PLCD1: variants seen among roughly 807,000 people sequenced by gnomAD.
PLCD1 encodes phospholipase C delta 1, also known as 1-phosphatidylinositol 4,5-bisphosphate phosphodiesterase delta-1.
In PLCD1, 71 loss-of-function variants were observed where a neutral mutation model predicts 87.4. That is an observed-to-expected ratio of 0.81 (90% CI 0.67 to 0.99). PLCD1 has a LOEUF of 0.99. Ranked by LOEUF, PLCD1 falls within the 50% of genes least tolerant of loss-of-function variation. The pLI is 0.00. For synonymous variants in PLCD1, 348 were observed against 399.2 expected (o/e 0.87, Z 1.53); for missense variants, 867 against 1,001.5 (o/e 0.87, Z 1.81).
At chr3:38,027,772 C>T (rs1335392167) in intron 1 of PLCD1, among the ~76,000 whole-genome samples, 1 of 152,272 alleles carries the variant, frequency 6.6e-6, no homozygotes, top group African/African-American at 2.4e-5. Context: ...GCACAGTGAT[C>T]ACCCCCTCCC....
intron 2 of PLCD1, among the ~76,000 whole-genome samples, chr3:38,019,497 C>T (rs1200218305): frequency 2.6e-5 from 4 of 152,130 alleles, no homozygotes; most frequent in Admixed American, 2.0e-4. Context: ...TAGAGGGAGA[C>T]ATCTCACTTT....
chr3:38,011,388 T>C lies in PLCD1; in HGVS notation c.616A>G (p.Lys206Glu). 4.3e-6 allele frequency: 7 copies of C among 1,613,740 alleles called. No homozygotes were observed. Among genetic ancestry groups the C allele is most frequent in the Non-Finnish European group, 5.9e-6 (7 of 1,180,030 alleles). ...ATCTCCACCCGCTGGGTCAGCATCT[T>C]GTAGAAGGCCTCAATCTCCTCGTCC... ...LEDEEIEAFY[K>E]MLTQRVEIDR... The change falls in exon 5 of 15, where the codon AAG becomes GAG. Residue 206 changes from lysine (K) to glutamate (E), a missense_variant. Transcript: ENST00000334661.
In PLCD1 at chr3:38,025,455, GC is replaced by G. The variant is rs530083442; in HGVS notation, c.34+4050del. ...GGATGGAGCCTGGGCCAGACACCGA[GC>G]CCCCCCCAAGTATTTTACTTCAATT... On this transcript the variant is annotated intron_variant, in intron 1 of 14. Coordinates refer to ENST00000334661, the MANE Select transcript of PLCD1 (RefSeq NM_006225.4). The surrounding 1 kb of genome is among the most constrained non-coding windows in gnomAD (Gnocchi z 4.0). 6.6e-6 allele frequency among the ~76,000 whole-genome samples: 1 copy of G among 151,582 alleles called. No homozygotes were observed. Among genetic ancestry groups the G allele is most frequent in the Non-Finnish European group, 1.5e-5 (1 of 67,782 alleles).
intron 3 of PLCD1, 65 bp downstream of exon 3, chr3:38,016,426 C>A (rs1575352519): frequency 2.7e-6 from 3 of 1,105,542 alleles, no homozygotes; most frequent in Non-Finnish European, 4.1e-6. Flanking sequence ...ACCCAAGTTG[C>A]CCTGGGGATA....
chr3:38,008,498 G>C lies in PLCD1; in HGVS notation c.1862C>G (p.Ala621Gly). 1 of 1,614,216 alleles carries C rather than the reference G, an allele frequency of 6.2e-7. No homozygotes were observed. Among genetic ancestry groups the C allele is most frequent in the Non-Finnish European group, 8.5e-7 (1 of 1,180,024 alleles). The change falls in exon 12 of 15, where the codon GCT (alanine) becomes GGT (glycine). Residue 621 changes from alanine (A) to glycine (G), a missense_variant. Transcript: ENST00000334661. Reference sequence around the variant, plus strand: ...CTTCCGTGCCCACCAGGGCCCCTGAGCCAGGGCGCGGGGGTTAAAGGTGCC... The same window carrying C: ...CTTCCGTGCCCACCAGGGCCCCTGACCCAGGGCGCGGGGGTTAAAGGTGCC... ...PNGTFNPRAL[A>G]QGPWWARKRL... is the part of the protein sequence containing the mutation.
intron 1 of PLCD1, chr3:38,024,624 C>A (rs1448012521): frequency 1.3e-6 from 2 of 1,516,820 alleles, no homozygotes; most frequent in South Asian, 1.2e-5. Flanking sequence ...TTCGGAGGGG[C>A]GGGACGAGAG....
intron 1 of PLCD1, among the ~76,000 whole-genome samples, chr3:38,028,849 T>C (rs1700333523): frequency 6.6e-6 from 1 of 152,218 alleles, no homozygotes; most frequent in Non-Finnish European, 1.5e-5. Flanking sequence ...GAAACAAAGC[T>C]CCGCTGGACA....
intron 1 of PLCD1, chr3:38,024,470 T>C (rs775926802): frequency 1.3e-6 from 2 of 1,590,812 alleles, no homozygotes; most frequent in Non-Finnish European, 1.7e-6. Context: ...CGGAGCCGGG[T>C]CCGGGGCAGT....
chr3:38,013,160 G>A (rs1461980872), intron 3 of PLCD1, among the ~76,000 whole-genome samples: 1 of 151,190 alleles, frequency 6.6e-6, no homozygotes, highest in African/African-American at 2.4e-5. Context: ...AAAGTGCTAG[G>A]ACTAGAGGTG....
chr3:38,022,083 G>A (rs1700241673), intron 1 of PLCD1, among the ~76,000 whole-genome samples: 1 of 152,194 alleles, frequency 6.6e-6, no homozygotes, highest in South Asian at 2.1e-4. Flanking sequence ...TCCCCCATCA[G>A]CACTGGGCTA....
intron 1 of PLCD1, chr3:38,024,705 C>G (rs539854611): frequency 3.4e-6 from 5 of 1,473,622 alleles, no homozygotes; most frequent in Non-Finnish European, 4.5e-6. Context: ...GGACCTATGC[C>G]CCCTGAAGGT....
intron 1 of PLCD1, chr3:38,024,817 C>A (rs1048732586): frequency 4.6e-6 from 5 of 1,089,992 alleles, no homozygotes; most frequent in Non-Finnish European, 4.8e-6. Flanking sequence ...AGAGTCAGAC[C>A]CCAAAAGGCT....
In PLCD1 at chr3:38,009,081, A is replaced by C. The variant is rs542780003; in HGVS notation, c.1684T>G (p.Tyr562Asp). 6.2e-7 allele frequency: 1 copy of C among 1,613,672 alleles called. No individual in the cohort carries two copies. Among genetic ancestry groups the C allele is most frequent in the African/African-American group, 1.3e-5 (1 of 74,916 alleles). ...CCATTCCACATCTCCACGGGGCTGTAGTTGGAGGAGTCTGTTCTCCATCCA... is the reference window on the plus strand; with the variant it reads ...CCATTCCACATCTCCACGGGGCTGTCGTTGGAGGAGTCTGTTCTCCATCCA... ...PAGWRTDSSN[Y>D]SPVEMWNGGC... is the part of the protein sequence containing the mutation. The change falls in exon 11 of 15, where the codon TAC becomes GAC. Residue 562 changes from tyrosine (Y) to aspartate (D), a missense_variant. Tyr to Asp is a radical substitution (Grantham distance 160). Transcript: ENST00000334661.
intron 2 of PLCD1, 105 bp from the exon 3 acceptor site, chr3:38,016,824 C>T: frequency 1.2e-6 from 1 of 841,594 alleles, no homozygotes; most frequent in Non-Finnish European, 2.0e-6. Flanking sequence ...GGCTTGGAGA[C>T]ACAGAGCCAG....
chr3:38,019,057 G>A (rs1465849909), intron 2 of PLCD1: 1 of 152,376 alleles, frequency 6.6e-6, no homozygotes, highest in Non-Finnish European at 1.5e-5. Flanking sequence ...ACCCTTCCTG[G>A]GTGAAAGGCA....
Position 38,009,423 on chromosome 3 carries a change from C to T in PLCD1, c.1455G>A (p.Lys485=). The T allele has an allele frequency of 1.2e-6, 2 of 1,614,174 alleles. No individual in the cohort carries two copies. The highest frequency in any genetic ancestry group is 1.7e-6 in the Non-Finnish European group (2 of 1,180,024). ...CAGAGAGCTCCTGTGCTAGCCTGAG[C>T]TTGTCCTCCTGGGGAACACGGGGAG... ...SRVQHKPKED[K]LRLAQELSDM... Residue 485 remains lysine (K), a synonymous_variant, in exon 10 of 15, where the codon AAG becomes AAA. Coordinates refer to ENST00000334661, the MANE Select transcript of PLCD1 (RefSeq NM_006225.4).
At chr3:38,007,901 G>T (rs1266792686) in intron 14 of PLCD1, 43 bp from the exon 15 acceptor site, 2 of 1,607,688 alleles carry the variant, frequency 1.2e-6, no homozygotes, top group Non-Finnish European at 1.7e-6. Flanking sequence ...GAGAGTTCTG[G>T]TCATTCGGCG....
At position 38,009,136 on chromosome 3, in the gene PLCD1, G is replaced by T. The variant is rs146435554; in HGVS notation, c.1629C>A (p.Asn543Lys). The T allele has an allele frequency of 3.7e-6, 6 of 1,614,144 alleles. No homozygotes were observed. The highest frequency in any genetic ancestry group is 5.1e-6 in the Non-Finnish European group (6 of 1,179,994). Reference sequence around the variant, plus strand: ...GGTAGATTCTGCTCAGGTGCCCCACGTTGTGGCGGACAAAGCCGTTTCCTG... The same window carrying T: ...GGTAGATTCTGCTCAGGTGCCCCACTTTGTGGCGGACAAAGCCGTTTCCTG... ...QESGNGFVRH[N>K]VGHLSRIYPA... The change falls in exon 11 of 15, where the codon AAC becomes AAA. Residue 543 changes from asparagine (N) to lysine (K), a missense_variant. Physicochemically the swap from Asn to Lys is moderately conservative, Grantham distance 94 (BLOSUM62 0). Transcript: ENST00000334661.
intron 1 of PLCD1, chr3:38,024,112 G>C: frequency 1.9e-6 from 1 of 537,090 alleles, no homozygotes; most frequent in Non-Finnish European, 3.3e-6. Context: ...TGGAAGGGCT[G>C]AGTTAAATAA....
Sources: allele counts gnomAD v4.1 joint callset (sites outside exome capture counted in the v4.1 genomes callset), GRCh38; gene constraint gnomAD v4.1.1; non-coding constraint Gnocchi (gnomAD v3.1); transcripts MANE v1.5; gene names NCBI Gene and HGNC (gene_info 2026-07-23, HGNC 2026-07-21).